JAG2: variants seen among roughly 807,000 people sequenced by gnomAD.
JAG2 encodes jagged canonical Notch ligand 2.
A neutral mutation model predicts 141.7 loss-of-function variants in JAG2; 46 were observed. The ratio of observed to expected loss-of-function variants is 0.32; its 90% confidence interval spans 0.26 to 0.42. JAG2 has a LOEUF of 0.42. JAG2 is among the 10% of genes least tolerant of loss of function. The pLI is 1.00. For synonymous variants in JAG2, 862 were observed against 763.5 expected (o/e 1.13, Z -2.13); for missense variants, 1,500 against 1,817.5 (o/e 0.83, Z 3.18).
At chr14:105,144,466 C>G (rs1215521200) in intron 24 of JAG2, among the ~76,000 whole-genome samples, 3 of 152,130 alleles carry the variant, frequency 2.0e-5, no homozygotes, top group Non-Finnish European at 1.5e-5. Context: ...GCTCTGCACA[C>G]CCACCCACCA....
intron 3 of JAG2, among the ~76,000 whole-genome samples, chr14:105,156,994 C>T (rs1358768801): frequency 1.3e-5 from 2 of 152,146 alleles, no homozygotes; most frequent in East Asian, 3.9e-4. Context: ...CTCCCTCCTC[C>T]AACCCATTGG....
intron 3 of JAG2, 126 bp downstream of exon 3, chr14:105,157,580 A>T: frequency 1.0e-6 from 1 of 962,098 alleles, no homozygotes; most frequent in Non-Finnish European, 1.6e-6. Context: ...CAAAGCAAAA[A>T]GGGAAACAGC....
Position 105,142,659 on chromosome 14 carries a change from G to C in JAG2, c.*36C>G, listed in dbSNP as rs376671609. The C allele has an allele frequency of 7.3e-6, 11 of 1,516,660 alleles. No individual in the cohort carries two copies. The Middle Eastern group carries it at 6.7e-4, about 93-fold the overall frequency. 94.0% of individuals were successfully genotyped at this position (1,516,660 alleles called of 1,614,324 possible). ...TCCGGCAGACGGCATGGCTCCCACC[G>C]AGGGCCCTGGGTCCCGGCCCAGCTG... is the stretch of plus-strand genomic sequence containing the variant. On this transcript the variant is annotated 3_prime_UTR_variant, in exon 26 of 26. Coordinates refer to ENST00000331782, the MANE Select transcript of JAG2 (RefSeq NM_002226.5).
intron 3 of JAG2, 126 bp downstream of exon 3, chr14:105,157,580 A>C: frequency 1.0e-6 from 1 of 962,098 alleles, no homozygotes; most frequent in Non-Finnish European, 1.6e-6. Flanking sequence ...CAAAGCAAAA[A>C]GGGAAACAGC....
At position 105,146,741 on chromosome 14, in the gene JAG2, C is replaced by G; in HGVS notation, c.2480-17G>C. 6.3e-7 allele frequency: 1 copy of G among 1,594,836 alleles called. No individual in the cohort carries two copies. The highest frequency in any genetic ancestry group is 1.1e-5 in the South Asian group (1 of 90,410). ...CGTCGATGTCTGCAGGGAGAGCCACCGCTGCTCAGTGCAGTGAGGCCAACG... is the reference window on the plus strand; with the variant it reads ...CGTCGATGTCTGCAGGGAGAGCCACGGCTGCTCAGTGCAGTGAGGCCAACG... On this transcript the variant is annotated splice_polypyrimidine_tract_variant and intron_variant, in intron 20 of 25. Coordinates refer to ENST00000331782, the MANE Select transcript of JAG2 (RefSeq NM_002226.5).
At chr14:105,147,636 C>CA in intron 18 of JAG2, 109 bp from the exon 19 acceptor site, 1 of 1,203,574 alleles carries the variant, frequency 8.3e-7, no homozygotes, top group Admixed American at 1.8e-5. Context: ...GGAGGGTCAT[C>CA]AAGGAGGGTG....
chr14:105,151,978 G>A lies in JAG2; in HGVS notation c.999C>T (p.Cys333=), dbSNP rs1403128673. The change falls in exon 7 of 26, where the codon TGC becomes TGT. Residue 333 remains cysteine, a synonymous_variant. Transcript: ENST00000331782. The part of the protein sequence containing the change: ...CINAEPDQYR[C]TCPDGYSGRN... ...TGCCCGAGTAGCCGTCAGGGCAGGT[G>A]CAGCGGTACTGGTCAGGCTCGGCGT... 6.2e-7 allele frequency: 1 copy of A among 1,613,280 alleles called. No homozygotes were observed. The highest frequency in any genetic ancestry group is 1.3e-5 in the African/African-American group (1 of 74,934).
intron 2 of JAG2, among the ~76,000 whole-genome samples, chr14:105,165,672 T>A (rs768409663): frequency 1.3e-5 from 2 of 150,958 alleles, no homozygotes; most frequent in African/African-American, 4.9e-5. Flanking sequence ...GGTGGGAGAG[T>A]CACTCAGGGG....
At chr14:105,168,215 G>T in intron 1 of JAG2, 108 bp from the exon 2 acceptor site, 2 of 900,670 alleles carry the variant, frequency 2.2e-6, no homozygotes, top group Non-Finnish European at 2.7e-6. Flanking sequence ...ACCCAGCCGC[G>T]CCCGCCCGGA....
At chr14:105,160,647 G>A (rs1324770987) in intron 2 of JAG2, among the ~76,000 whole-genome samples, 2 of 152,128 alleles carry the variant, frequency 1.3e-5, no homozygotes, top group Admixed American at 6.5e-5. Context: ...CAGATCACCT[G>A]AGGTCAGGAG....
intron 2 of JAG2, among the ~76,000 whole-genome samples, chr14:105,165,807 C>T (rs1022912824): frequency 6.6e-6 from 1 of 152,234 alleles, no homozygotes; most frequent in South Asian, 2.1e-4. Context: ...GCCACCCTAG[C>T]CTCCAGGCTG....
chr14:105,168,335 GC>G lies in JAG2; in HGVS notation c.66+19del, dbSNP rs1489647318. Reference sequence around the variant, plus strand: ...GTGTGCCCCGTCCGCGACCCCCGCCGCCCCCGCCGCCCCGCTCACCTGCACC... The same window carrying G: ...GTGTGCCCCGTCCGCGACCCCCGCCGCCCCGCCGCCCCGCTCACCTGCACC... On this transcript the variant is annotated intron_variant, in intron 1 of 25. Transcript: ENST00000331782. 4.9e-5 allele frequency: 17 copies of G among 347,008 alleles called. No homozygotes were observed. Among genetic ancestry groups the G allele is most frequent in the South Asian group, 6.2e-5 (1 of 16,040 alleles). 21.5% of individuals were successfully genotyped at this position (347,008 alleles called of 1,614,324 possible). A position where few individuals can be genotyped will look rare whatever the true frequency, so the allele number is the denominator to read the frequency against.
chr14:105,152,125 T>C, intron 6 of JAG2, 36 bp downstream of exon 6: 1 of 1,613,496 alleles, frequency 6.2e-7, no homozygotes, highest in Non-Finnish European at 8.5e-7. Flanking sequence ...CACACTTCGA[T>C]GGCAGAGCAT....
intron 24 of JAG2, among the ~76,000 whole-genome samples, chr14:105,144,684 G>A (rs767949500): frequency 7.9e-5 from 12 of 152,198 alleles, no homozygotes; most frequent in East Asian, 1.9e-4. Flanking sequence ...GGGACCGGGC[G>A]AGGATGCAGC....
At chr14:105,148,039 C>A (rs587604591) in intron 17 of JAG2, 77 bp downstream of exon 17, 2 of 1,283,732 alleles carry the variant, frequency 1.6e-6, no homozygotes, top group Admixed American at 2.0e-5. Context: ...AAAGACCCCT[C>A]GGCCCATCGC....
chr14:105,158,613 G>C (rs1334784518), intron 2 of JAG2, among the ~76,000 whole-genome samples: 1 of 152,036 alleles, frequency 6.6e-6, no homozygotes, highest in Non-Finnish European at 1.5e-5. Context: ...AGACAGGTGG[G>C]ACCCCCGGGA....
Position 105,148,797 on chromosome 14 carries a change from G to T in JAG2, c.1968C>A (p.Asp656Glu). The T allele has an allele frequency of 6.3e-7, 1 of 1,597,466 alleles. No individual in the cohort carries two copies. Among genetic ancestry groups the T allele is most frequent in the Non-Finnish European group, 8.5e-7 (1 of 1,172,818 alleles). Reference sequence around the variant, plus strand: ...CGCTGGGGCAGAAGCAGCGGAAGGCGTCCACCTCATCGATGCATGTGCCCC... The same window carrying T: ...CGCTGGGGCAGAAGCAGCGGAAGGCTTCCACCTCATCGATGCATGTGCCCC... Reference protein sequence around the residue: ...RNGGTCIDEVDAFRCFCPSGW... With the variant: ...RNGGTCIDEVEAFRCFCPSGW... Residue 656 changes from aspartate (D) to glutamate (E), a missense_variant, in exon 15 of 26, where the codon GAC becomes GAA. By Grantham distance (45) the Asp-to-Glu change is conservative. This residue lies in a region of JAG2 where 875 missense variants were observed against 1,202.2 expected (regional missense o/e 0.73). Transcript: ENST00000331782.
At chr14:105,149,398 A>G in intron 12 of JAG2, 78 bp from the exon 13 acceptor site, 2 of 1,587,528 alleles carry the variant, frequency 1.3e-6, no homozygotes, top group Non-Finnish European at 1.7e-6. Context: ...TGTCCATACG[A>G]AGGTAGATCC....
chr14:105,158,649 G>C (rs1203438926), intron 2 of JAG2, among the ~76,000 whole-genome samples: 1 of 151,974 alleles, frequency 6.6e-6, no homozygotes, highest in East Asian at 1.9e-4. Context: ...CCAGCACTGG[G>C]TACCCACATT....
Sources: allele counts gnomAD v4.1 joint callset (sites outside exome capture counted in the v4.1 genomes callset), GRCh38; gene constraint gnomAD v4.1.1; regional missense constraint gnomAD v4.1.1; transcripts MANE v1.5; gene names NCBI Gene and HGNC (gene_info 2026-07-23, HGNC 2026-07-21).